Variants in PPP1R1C observed in about 807,000 individuals in gnomAD.
The protein encoded by PPP1R1C is protein phosphatase 1 regulatory inhibitor subunit 1C.
A neutral mutation model predicts 17.4 loss-of-function variants in PPP1R1C; 15 were observed. The observed-to-expected ratio is 0.86, with a 90% CI of 0.58 to 1.33. PPP1R1C has a LOEUF of 1.33. Ranked by LOEUF, PPP1R1C falls within the 40% of genes most tolerant of loss-of-function variation. The pLI is 0.00. For synonymous variants in PPP1R1C, 35 were observed against 43.1 expected, an observed-to-expected ratio of 0.81 and a Z score of 0.73; for missense variants, 143 against 130.0, an observed-to-expected ratio of 1.10 and a Z score of -0.48.
intron 2 of PPP1R1C, among the ~76,000 whole-genome samples, chr2:182,019,955 T>G (rs529018054): frequency 2.6e-4 from 39 of 152,306 alleles, no homozygotes; most frequent in African/African-American, 8.9e-4. Flanking sequence ...CTTGAGAACA[T>G]CAGATATACT....
chr2:181,986,884 A>ATT (rs1685313707), intron 1 of PPP1R1C, among the ~76,000 whole-genome samples: 1 of 152,230 alleles, frequency 6.6e-6, no homozygotes, highest in Non-Finnish European at 1.5e-5. Context: ...AGGAGGCAAA[A>ATT]GCAAAGAAAT....
chr2:182,075,955 CAT>C (rs1472813353), intron 4 of PPP1R1C, among the ~76,000 whole-genome samples: 3 of 151,886 alleles, frequency 2.0e-5, no homozygotes, highest in African/African-American at 7.3e-5. Context: ...GGTCTCAAAA[CAT>C]ATTTTTGTGT....
chr2:182,125,132 C>G (rs1382079771), intron 5 of PPP1R1C, among the ~76,000 whole-genome samples: 1 of 151,884 alleles, frequency 6.6e-6, no homozygotes, highest in Non-Finnish European at 1.5e-5. Flanking sequence ...TATCAAAGGC[C>G]TTTTTCTGCA....
intron 2 of PPP1R1C, among the ~76,000 whole-genome samples, chr2:182,016,679 C>T (rs1183856724): frequency 1.3e-5 from 2 of 152,106 alleles, no homozygotes; most frequent in African/African-American, 2.4e-5. Flanking sequence ...GAAAGAGAAA[C>T]TGATTTCTAG....
intron 4 of PPP1R1C, chr2:182,064,230 T>A (rs1224906805): frequency 6.0e-6 from 1 of 166,452 alleles, no homozygotes; most frequent in Non-Finnish European, 1.3e-5. Context: ...GGAGCAGCTC[T>A]AAGAAACTCA....
intron 2 of PPP1R1C, among the ~76,000 whole-genome samples, chr2:182,047,458 A>G (rs1574408658): frequency 1.3e-5 from 2 of 152,188 alleles, no homozygotes; most frequent in Non-Finnish European, 2.9e-5. Context: ...TCAGTTCTCT[A>G]CTCAAAAGAA....
intron 4 of PPP1R1C, among the ~76,000 whole-genome samples, chr2:182,094,325 G>A (rs145388825): frequency 1.3e-5 from 2 of 152,206 alleles, no homozygotes; most frequent in East Asian, 1.9e-4. Context: ...CCCACAACAC[G>A]TGGGAATTAC....
chr2:181,994,106 G>T (rs192961584), intron 2 of PPP1R1C, among the ~76,000 whole-genome samples: 9 of 152,030 alleles, frequency 5.9e-5, no homozygotes, highest in Non-Finnish European at 8.8e-5. Context: ...TGTAGTGTTG[G>T]TTTAACTGAG....
intron 1 of PPP1R1C, among the ~76,000 whole-genome samples, chr2:181,965,764 C>T (rs896753295): frequency 2.0e-5 from 3 of 152,156 alleles, no homozygotes; most frequent in East Asian, 1.9e-4. Context: ...TCTTTTTGCT[C>T]GGGATAGCTT....
In PPP1R1C at chr2:182,082,607, G is replaced by A. The variant is rs539690262; in HGVS notation, c.241+18816G>A. Among the ~76,000 whole-genome samples, 11 of 152,158 alleles carry A rather than the reference G, an allele frequency of 7.2e-5. No homozygotes were observed. The South Asian group carries it at 1.0e-3, about 14-fold the overall frequency. ...CCTTCGCTGGCTCTGCATCTGAGTC[G>A]CGGAAGAACATAGACTCAATAAGTA... On this transcript the variant is annotated intron_variant, in intron 4 of 4. Coordinates refer to ENST00000682840, the MANE Select transcript of PPP1R1C (RefSeq NM_001080545.3).
chr2:181,977,357 T>G (rs1217494360), intron 2 of PPP1R1C, among the ~76,000 whole-genome samples: 1 of 152,040 alleles, frequency 6.6e-6, no homozygotes, highest in Non-Finnish European at 1.5e-5. Flanking sequence ...TTTCCTGGTC[T>G]TCTTACTCCT....
At chr2:182,061,177 G>A (rs1270700766) in intron 2 of PPP1R1C, among the ~76,000 whole-genome samples, 1 of 151,988 alleles carries the variant, frequency 6.6e-6, no homozygotes, top group Admixed American at 6.6e-5. Flanking sequence ...TCACTTCCCT[G>A]GTCCCCTTTC....
At position 181,957,660 on chromosome 2, in the gene PPP1R1C, A is replaced by T. The variant is rs1390690305; in HGVS notation, n.111+3026A>T. On this transcript the variant is annotated intron_variant and non_coding_transcript_variant, in intron 1 of 5. Coordinates refer to the PPP1R1C transcript ENST00000464264. The surrounding 1 kb of genome is among the most constrained non-coding windows in gnomAD (Gnocchi z 4.2). ...TTCTTTATTTTCTTCTTATACCCAAATAATCAAAATCTGATAATTCCCATT... is the reference window on the plus strand; with the variant it reads ...TTCTTTATTTTCTTCTTATACCCAATTAATCAAAATCTGATAATTCCCATT... Among the ~76,000 whole-genome samples, 2 of 152,152 alleles carry T rather than the reference A, an allele frequency of 1.3e-5. No individual in the cohort carries two copies. The highest frequency in any genetic ancestry group is 2.9e-5 in the Non-Finnish European group (2 of 68,012).
intron 5 of PPP1R1C, among the ~76,000 whole-genome samples, chr2:182,128,219 G>A: frequency 6.6e-6 from 1 of 152,058 alleles, no homozygotes; most frequent in East Asian, 1.9e-4. Context: ...TCAAATACAT[G>A]TAAACTAATA....
intron 2 of PPP1R1C, among the ~76,000 whole-genome samples, chr2:182,039,132 A>G (rs549576676): frequency 2.2e-3 from 334 of 152,336 alleles, no homozygotes; most frequent in Non-Finnish European, 3.7e-3. Flanking sequence ...TTCAATTTAT[A>G]TAAGTATTGA....
chr2:181,960,974 G>A (rs985940560), intron 1 of PPP1R1C, among the ~76,000 whole-genome samples: 2 of 152,078 alleles, frequency 1.3e-5, no homozygotes, highest in Non-Finnish European at 2.9e-5. Flanking sequence ...TTTAAAAGAT[G>A]GACTCAGACC....
chr2:182,038,747 T>C (rs189827925), intron 2 of PPP1R1C, among the ~76,000 whole-genome samples: 1 of 152,306 alleles, frequency 6.6e-6, no homozygotes, highest in Admixed American at 6.5e-5. Context: ...GCTGATACAG[T>C]CCTTCATGAC....
Position 181,962,101 on chromosome 2 carries a change from C to G in PPP1R1C, n.111+7467C>G, listed in dbSNP as rs1684809389. ...CCTCGATGGTCTTGAGGTAATGACT[C>G]CAGTCTCTGACCTGGAGTCCCTTCT... On this transcript the variant is annotated intron_variant and non_coding_transcript_variant, in intron 1 of 5. Transcript: ENST00000464264. This position sits in a 1 kb window ranked among gnomAD's most constrained non-coding sequence, Gnocchi z 6.0. 1.4e-6 allele frequency: 1 copy of G among 722,010 alleles called. No individual in the cohort carries two copies. Among genetic ancestry groups the G allele is most frequent in the Admixed American group, 1.8e-5 (1 of 56,860 alleles). The allele number at this position is 722,010 out of a possible 1,614,324, so 44.7% of individuals were successfully genotyped here. A position where few individuals can be genotyped will look rare whatever the true frequency, so the allele number is the denominator to read the frequency against.
chr2:182,083,806 A>G (rs1215861634), intron 4 of PPP1R1C, among the ~76,000 whole-genome samples: 1 of 152,142 alleles, frequency 6.6e-6, no homozygotes, highest in Non-Finnish European at 1.5e-5. Context: ...AGATCAAATG[A>G]TAGATCTACT....
Sources: gnomAD v4.1 joint callset for allele counts (sites outside exome capture counted in the v4.1 genomes callset) on GRCh38, gnomAD v4.1.1 for gene constraint, Gnocchi (gnomAD v3.1) non-coding constraint, MANE v1.5 for transcripts, NCBI Gene and HGNC (gene_info 2026-07-23, HGNC 2026-07-21) for gene names.